COL10A1: variants seen among roughly 807,000 people sequenced by gnomAD.
COL10A1 encodes the protein collagen alpha-1(X) chain.
Under a neutral mutation model 18.2 loss-of-function variants are expected in COL10A1, and 10 were observed. The observed-to-expected ratio is 0.55, with a 90% CI of 0.34 to 0.93. COL10A1 has a LOEUF of 0.93. COL10A1 is among the 40% of genes least tolerant of loss of function. COL10A1 has a pLI of 0.02. For missense variants in COL10A1, 897 were observed against 853.5 expected (o/e 1.05, Z -0.64); for synonymous variants, 330 against 316.6 (o/e 1.04, Z -0.45).
At chr6:116,195,841 T>C in the COL10A1 span, among the ~76,000 whole-genome samples, 2 of 151,958 alleles carry the variant, frequency 1.3e-5, no homozygotes, top group Admixed American at 1.3e-4. Context: ...ACCAAAGAGA[T>C]GCTATTTTCT....
the COL10A1 span, among the ~76,000 whole-genome samples, chr6:116,179,324 A>G: frequency 1.3e-4 from 20 of 152,314 alleles, no homozygotes; most frequent in African/African-American, 4.6e-4. Context: ...TTACATTCTT[A>G]TACTGATCAG....
At chr6:116,170,641 G>C in the COL10A1 span, among the ~76,000 whole-genome samples, 1 of 152,204 alleles carries the variant, frequency 6.6e-6, no homozygotes, top group Non-Finnish European at 1.5e-5. Flanking sequence ...ATTAAGAACT[G>C]TTTGTGGATA....
At chr6:116,135,839 A>ATATATG (rs1323086310) in intron 1 of COL10A1, among the ~76,000 whole-genome samples, 3 of 49,738 alleles carry the variant, frequency 6.0e-5, no homozygotes, top group Non-Finnish European at 1.0e-4. Context: ...TTTCAGATAT[A>ATATATG]TATATATATA....
chr6:116,214,177 C>T, the COL10A1 span, among the ~76,000 whole-genome samples: 1 of 152,122 alleles, frequency 6.6e-6, no homozygotes, highest in African/African-American at 2.4e-5. Flanking sequence ...AAAGTGTGTG[C>T]TTTTTCTACT....
the COL10A1 span, among the ~76,000 whole-genome samples, chr6:116,211,888 C>A: frequency 6.6e-6 from 1 of 151,886 alleles, no homozygotes; most frequent in African/African-American, 2.4e-5. Context: ...TGCTCTGATC[C>A]CCCAACACAC....
upstream of COL10A1, among the ~76,000 whole-genome samples, chr6:116,128,165 C>A (rs1779371573): frequency 6.6e-6 from 1 of 152,118 alleles, no homozygotes; most frequent in Non-Finnish European, 1.5e-5. Context: ...CTATACTCCC[C>A]TTTAGTTTTG....
the COL10A1 span, among the ~76,000 whole-genome samples, chr6:116,168,314 T>C: frequency 0.031 from 4,744 of 152,144 alleles, 260 homozygotes; most frequent in African/African-American, 0.11. Context: ...TGTTCTGTTT[T>C]CTTTTAATCT....
chr6:116,187,590 A>G, the COL10A1 span, among the ~76,000 whole-genome samples: 1 of 152,122 alleles, frequency 6.6e-6, no homozygotes, highest in Non-Finnish European at 1.5e-5. Context: ...GCTTGATGAC[A>G]GAACAGGTAC....
chr6:116,142,315 A>T (rs1779787738), intron 1 of COL10A1, among the ~76,000 whole-genome samples: 1 of 151,952 alleles, frequency 6.6e-6, no homozygotes, highest in Non-Finnish European at 1.5e-5. Flanking sequence ...GCATATACTT[A>T]GGAAAATGTA....
chr6:116,139,725 G>A lies in COL10A1; in HGVS notation c.-15-14218C>T, dbSNP rs1779715922. Among the ~76,000 whole-genome samples, 4 of 152,186 alleles carry A rather than the reference G, an allele frequency of 2.6e-5. No individual in the cohort carries two copies. The South Asian group carries it at 6.2e-4, about 24-fold the overall frequency. On this transcript the variant is annotated intron_variant, in intron 1 of 1. Coordinates refer to the COL10A1 transcript ENST00000418500. ...TGGTTCTTTAGATCTTTCTTGTCAT[G>A]GGAGTAAGGAGAGAAATAGGAATTT...
In COL10A1 at chr6:116,120,767, G is replaced by T. The variant is rs374996283; in HGVS notation, c.1349C>A (p.Thr450Asn). 4.1e-5 allele frequency: 66 copies of T among 1,612,686 alleles called. No homozygotes were observed. Among genetic ancestry groups the T allele is most frequent in the Non-Finnish European group, 5.2e-5 (61 of 1,179,586 alleles). The change falls in exon 3 of 3, where the codon ACT becomes AAT. Residue 450 changes from threonine (T) to asparagine (N), a missense_variant. Physicochemically the swap from Thr to Asn is moderately conservative, Grantham distance 65. Transcript: ENST00000651968. Reference protein sequence around the residue: ...GPRGAPGIPGTRGPIGPPGIP... With the variant: ...GPRGAPGIPGNRGPIGPPGIP... ...GCCTGGTGGCCCAATAGGGCCTCTA[G>T]TACCTGGTATTCCAGGGGCACCTCT...
At chr6:116,144,357 T>A (rs772511922) in intron 1 of COL10A1, among the ~76,000 whole-genome samples, 43 of 152,106 alleles carry the variant, frequency 2.8e-4, no homozygotes, top group Non-Finnish European at 5.3e-4. Context: ...AAAAATTAGC[T>A]GGGCGTGATG....
At chr6:116,166,151 T>A in the COL10A1 span, among the ~76,000 whole-genome samples, 49 of 152,250 alleles carry the variant, frequency 3.2e-4, no homozygotes, top group African/African-American at 1.2e-3. Flanking sequence ...ATTCAGAGGT[T>A]CTCGGGAGTC....
chr6:116,120,712 A>T lies in COL10A1; in HGVS notation c.1404T>A (p.Asp468Glu), dbSNP rs756012013. The T allele has an allele frequency of 6.4e-7, 1 of 1,562,624 alleles. No homozygotes were observed. Among genetic ancestry groups the T allele is most frequent in the Non-Finnish European group, 8.6e-7 (1 of 1,160,082 alleles). ...GGCCAGGAGGACCGGGACTTCCTGG[A>T]TCCCCTTTAGACCCAGGGAATCCTG... is the stretch of plus-strand genomic sequence containing the variant. ...GIPGFPGSKG[D>E]PGSPGPPGPA... The change falls in exon 3 of 3, where the codon GAT (aspartate) becomes GAA (glutamate). Residue 468 changes from aspartate to glutamate, a missense_variant. Physicochemically the swap from Asp to Glu is conservative, Grantham distance 45 (BLOSUM62 2). Transcript: ENST00000651968.
At chr6:116,154,651 T>G (rs557542203) in intron 1 of COL10A1, among the ~76,000 whole-genome samples, 11 of 142,524 alleles carry the variant, frequency 7.7e-5, no homozygotes, top group African/African-American at 2.8e-4. Flanking sequence ...ACTTACAGAT[T>G]AATTTAATTA....
At chr6:116,205,131 A>C in the COL10A1 span, among the ~76,000 whole-genome samples, 2 of 152,064 alleles carry the variant, frequency 1.3e-5, no homozygotes, top group East Asian at 1.9e-4. Flanking sequence ...TAGGCCGGTA[A>C]AACCCCTTCC....
At chr6:116,149,650 G>T (rs151283391) in intron 1 of COL10A1, among the ~76,000 whole-genome samples, 1 of 152,288 alleles carries the variant, frequency 6.6e-6, no homozygotes, top group East Asian at 1.9e-4. Flanking sequence ...CCAAATGCCT[G>T]GTGGAGACAC....
At chr6:116,161,036 T>C (rs1038854841), upstream of COL10A1, among the ~76,000 whole-genome samples, 1 of 151,878 alleles carries the variant, frequency 6.6e-6, no homozygotes, top group Non-Finnish European at 1.5e-5. Context: ...TTCATGTCCT[T>C]TGTAGGGACA....
At chr6:116,159,188 A>T (rs552415385), upstream of COL10A1, among the ~76,000 whole-genome samples, 2 of 152,222 alleles carry the variant, frequency 1.3e-5, no homozygotes, top group East Asian at 1.9e-4. Context: ...TTTTAAATAT[A>T]CAATTATGTG....
Sources: gnomAD v4.1 joint callset for allele counts (sites outside exome capture counted in the v4.1 genomes callset) on GRCh38, gnomAD v4.1.1 for gene constraint, MANE v1.5 for transcripts, NCBI Gene and HGNC (gene_info 2026-07-23, HGNC 2026-07-21) for gene names.